RALGAPA1: variants seen among roughly 807,000 people sequenced by gnomAD.
RALGAPA1 encodes the protein Ral GTPase activating protein catalytic subunit alpha 1, also known as ral GTPase-activating protein subunit alpha-1.
RALGAPA1 carries 52 observed loss-of-function variants against 269.6 expected under a neutral mutation model. The observed-to-expected ratio is 0.19, with a 90% CI of 0.15 to 0.24. RALGAPA1 has a LOEUF of 0.24. Among genes scored for constraint, RALGAPA1 ranks in the 10% least tolerant of loss-of-function variants. RALGAPA1 has a pLI of 1.00. For synonymous variants in RALGAPA1, 817 were observed against 1,008.3 expected (o/e 0.81, Z 3.60); for missense variants, 1,917 against 3,013.9 (o/e 0.64, Z 8.52).
At chr14:35,766,493 T>C (rs2141429618) in intron 4 of RALGAPA1, 2 of 1,362,298 alleles carry the variant, frequency 1.5e-6, no homozygotes, top group Non-Finnish European at 2.1e-6. Context: ...TTTCTCACAT[T>C]ACTTATTCAA....
chr14:35,621,176 A>G (rs145355838), intron 35 of RALGAPA1, among the ~76,000 whole-genome samples: 1 of 152,134 alleles, frequency 6.6e-6, no homozygotes, highest in Admixed American at 6.6e-5. Context: ...ATAGACCAAC[A>G]GAACAGAACA....
intron 13 of RALGAPA1, 29 bp downstream of exon 13, chr14:35,728,332 CA>C: frequency 2.6e-6 from 4 of 1,513,554 alleles, no homozygotes; most frequent in Non-Finnish European, 3.5e-6. Flanking sequence ...AATAAAAACA[CA>C]TAGACATAAA....
intron 18 of RALGAPA1, among the ~76,000 whole-genome samples, chr14:35,687,777 G>GA (rs1215633975): frequency 2.0e-5 from 3 of 151,842 alleles, no homozygotes; most frequent in Admixed American, 6.6e-5. Context: ...TAAAATCTCA[G>GA]AAAAAAACAA....
chr14:35,671,408 G>A lies in RALGAPA1; in HGVS notation c.5183C>T (p.Ala1728Val), dbSNP rs773686515. 1.9e-6 allele frequency: 3 copies of A among 1,609,712 alleles called. No individual in the cohort carries two copies. The highest frequency in any genetic ancestry group is 1.3e-5 in the African/African-American group (1 of 74,764). Residue 1728 changes from alanine to valine, a missense_variant, in exon 26 of 42, where the codon GCT becomes GTT. Physicochemically the swap from Ala to Val is moderately conservative, Grantham distance 64. Coordinates refer to ENST00000680220, the MANE Select transcript of RALGAPA1 (RefSeq NM_001346249.2). ...ACTTACATTGAGAAAAGCTGAAGAA[G>A]CCACTCTACCAGCTGCTACAATAAA... ...MDFIVAAGRV[A>V]SSAFLNAPRV...
At chr14:35,720,505 G>A (rs181970066) in intron 16 of RALGAPA1, among the ~76,000 whole-genome samples, 46 of 152,056 alleles carry the variant, frequency 3.0e-4, no homozygotes, top group African/African-American at 1.1e-3. Flanking sequence ...CATTAAATAC[G>A]GATACATTCC....
intron 1 of RALGAPA1, among the ~76,000 whole-genome samples, chr14:35,805,088 C>T (rs2077260731): frequency 6.6e-6 from 1 of 150,824 alleles, no homozygotes; most frequent in African/African-American, 2.4e-5. Context: ...GAGTTCAAGA[C>T]CAGCCTGACC....
chr14:35,806,862 C>T (rs1388527839), intron 1 of RALGAPA1, among the ~76,000 whole-genome samples: 1 of 152,190 alleles, frequency 6.6e-6, no homozygotes, highest in Non-Finnish European at 1.5e-5. Flanking sequence ...TCTACTTTCT[C>T]TCATTCATTT....
rs568857983 is a variant in RALGAPA1, at chr14:35,689,060, T to C, written c.3351A>G (p.Thr1117=). 3 of 1,236,026 alleles carry C rather than the reference T, an allele frequency of 2.4e-6. No individual in the cohort carries two copies. Among genetic ancestry groups the C allele is most frequent in the Non-Finnish European group, 3.0e-6 (3 of 990,294 alleles). 76.6% of individuals were successfully genotyped at this position (1,236,026 alleles called of 1,614,324 possible). Residue 1117 remains threonine, a synonymous_variant, in exon 18 of 42, where the codon ACA becomes ACG. Coordinates refer to ENST00000680220, the MANE Select transcript of RALGAPA1 (RefSeq NM_001346249.2). ...APVNRRMPHV[T]STSKLSPTKR... ...TAGTTGGAGAAAGTTTGCTAGTACT[T>C]GTAACATGAGGCATTCTGCGGTTAA...
At chr14:35,770,883 A>G in intron 4 of RALGAPA1, 59 bp downstream of exon 4, 1 of 615,418 alleles carries the variant, frequency 1.6e-6, no homozygotes, top group South Asian at 3.0e-5. Context: ...CCCATTAAAG[A>G]ACATTTTTCA....
intron 16 of RALGAPA1, among the ~76,000 whole-genome samples, chr14:35,700,681 C>A (rs951270082): frequency 6.6e-6 from 1 of 152,116 alleles, no homozygotes; most frequent in East Asian, 1.9e-4. Context: ...ACTTTTGGAA[C>A]AATATTTGGG....
At chr14:35,684,878 A>G (rs748866400) in intron 20 of RALGAPA1, 51 bp downstream of exon 20, 2 of 1,548,830 alleles carry the variant, frequency 1.3e-6, no homozygotes, top group Middle Eastern at 1.7e-4. Flanking sequence ...TCAGTCTTGA[A>G]CAGAAGACAA....
At position 35,627,941 on chromosome 14, in the gene RALGAPA1, T is replaced by A; in HGVS notation, c.6006A>T (p.Gln2002His). The A allele has an allele frequency of 6.5e-7, 1 of 1,543,434 alleles. No homozygotes were observed. Among genetic ancestry groups the A allele is most frequent in the South Asian group, 1.2e-5 (1 of 80,034 alleles). Residue 2002 changes from glutamine (Q) to histidine (H), a missense_variant, in exon 34 of 42, where the codon CAA (glutamine) becomes CAT (histidine). This residue lies in a region of RALGAPA1 where 346 missense variants were observed against 566.1 expected (regional missense o/e 0.61). Transcript: ENST00000680220. ...KLQPVTEVKT[Q>H]MQHGLISIAA... The stretch of plus-strand genomic sequence containing the variant: ...CTATAGAGATTAATCCATGCTGCAT[T>A]TGAGTTTTCACTGGAAATAAAAAAT...
chr14:35,808,800 C>T lies in RALGAPA1; in HGVS notation c.36G>A (p.Lys12=), dbSNP rs2077555313. 7 of 1,612,706 alleles carry T rather than the reference C, an allele frequency of 4.3e-6. No individual in the cohort carries two copies. The highest frequency in any genetic ancestry group is 5.9e-6 in the Non-Finnish European group (7 of 1,179,676). The change falls in exon 1 of 42, where the codon AAG becomes AAA. Residue 12 remains lysine (K), a synonymous_variant. Coordinates refer to ENST00000680220, the MANE Select transcript of RALGAPA1 (RefSeq NM_001346249.2). ...FSKKPHGDVK[K]STQKVLDTKK... ...TGGTGTCTAGCACCTTCTGGGTGGA[C>T]TTCTTCACGTCCCCGTGCGGCTTCT...
chr14:35,663,998 C>T (rs1194364764), intron 27 of RALGAPA1, among the ~76,000 whole-genome samples: 1 of 152,012 alleles, frequency 6.6e-6, no homozygotes, highest in African/African-American at 2.4e-5. Flanking sequence ...TTGCTGGGCT[C>T]AGAGCACTGA....
chr14:35,568,175 AT>A (rs2056865988), intron 39 of RALGAPA1, among the ~76,000 whole-genome samples: 1 of 152,188 alleles, frequency 6.6e-6, no homozygotes, highest in South Asian at 2.1e-4. Context: ...CAGGTTGAGT[AT>A]CCCTAAGCTG....
chr14:35,564,943 C>A (rs2056572370), intron 39 of RALGAPA1, among the ~76,000 whole-genome samples: 1 of 152,036 alleles, frequency 6.6e-6, no homozygotes, highest in Non-Finnish European at 1.5e-5. Context: ...ATAACCCTAC[C>A]AGGACATTTT....
chr14:35,616,368 T>C (rs771695681), intron 35 of RALGAPA1, among the ~76,000 whole-genome samples: 2 of 152,144 alleles, frequency 1.3e-5, no homozygotes, highest in African/African-American at 2.4e-5. Context: ...TTTAGTGTCA[T>C]AGAAGTTGGG....
At chr14:35,581,047 T>C (rs2057917647) in intron 37 of RALGAPA1, among the ~76,000 whole-genome samples, 1 of 152,170 alleles carries the variant, frequency 6.6e-6, no homozygotes, top group Non-Finnish European at 1.5e-5. Flanking sequence ...GGACACATGT[T>C]CTAGCCTCAA....
intron 37 of RALGAPA1, among the ~76,000 whole-genome samples, chr14:35,592,765 C>A (rs1267473262): frequency 6.6e-6 from 1 of 152,134 alleles, no homozygotes; most frequent in Non-Finnish European, 1.5e-5. Context: ...GTGATCATCT[C>A]AATTGACGTA....
Sources: allele counts gnomAD v4.1 joint callset (sites outside exome capture counted in the v4.1 genomes callset), GRCh38; gene constraint gnomAD v4.1.1; regional missense constraint gnomAD v4.1.1; transcripts MANE v1.5; gene names NCBI Gene and HGNC (gene_info 2026-07-23, HGNC 2026-07-21).